KLHDC2: variants seen among roughly 807,000 people sequenced by gnomAD.
KLHDC2 encodes kelch domain containing 2, also known as kelch domain-containing protein 2.
KLHDC2 carries 38 observed loss-of-function variants against 62.3 expected under a neutral mutation model. The observed-to-expected ratio is 0.61, with a 90% CI of 0.47 to 0.80. The LOEUF is 0.80. KLHDC2 is among the 30% of genes least tolerant of loss of function. KLHDC2 has a pLI of 0.00. For synonymous variants in KLHDC2, 159 were observed against 161.0 expected, an observed-to-expected ratio of 0.99 and a Z score of 0.09; for missense variants, 430 against 495.3, an observed-to-expected ratio of 0.87 and a Z score of 1.25.
intron 8 of KLHDC2, 183 bp from the exon 9 acceptor site, chr14:49,780,030 T>G: frequency 8.1e-6 from 5 of 619,052 alleles, no homozygotes; most frequent in Non-Finnish European, 1.4e-5. Context: ...AAGGAAAAGG[T>G]CTGAAGTTGA....
chr14:49,771,959 C>T (rs1028738981), intron 2 of KLHDC2, among the ~76,000 whole-genome samples: 1 of 152,128 alleles, frequency 6.6e-6, no homozygotes, highest in South Asian at 2.1e-4. Context: ...CCACTGCACT[C>T]CAGTCTGGGT....
At chr14:49,774,451 C>T (rs1245428279) in intron 2 of KLHDC2, 110 bp from the exon 3 acceptor site, 5 of 744,622 alleles carry the variant, frequency 6.7e-6, no homozygotes, top group East Asian at 2.5e-5. Flanking sequence ...GTCTACTCTG[C>T]CTTCTCATTT....
chr14:49,782,635 G>T (rs757600204), intron 12 of KLHDC2, 41 bp downstream of exon 12: 1 of 1,530,560 alleles, frequency 6.5e-7, no homozygotes, highest in African/African-American at 1.4e-5. Flanking sequence ...ATTTAAAATT[G>T]TGTTTCCTAA....
chr14:49,780,868 C>A, intron 10 of KLHDC2, 93 bp downstream of exon 10: 1 of 757,202 alleles, frequency 1.3e-6, no homozygotes, highest in South Asian at 1.5e-5. Context: ...TTATAAAAAT[C>A]TCAGCATTCA....
chr14:49,773,962 G>T (rs1199264909), intron 2 of KLHDC2, among the ~76,000 whole-genome samples: 1 of 152,206 alleles, frequency 6.6e-6, no homozygotes, highest in Non-Finnish European at 1.5e-5. Context: ...AGTTTTAGCA[G>T]AAGACCTTGA....
intron 12 of KLHDC2, 96 bp downstream of exon 12, chr14:49,782,690 C>A: frequency 7.5e-7 from 1 of 1,342,182 alleles, no homozygotes; most frequent in Non-Finnish European, 1.0e-6. Context: ...TATTTAAGGG[C>A]AATAAAACTT....
At chr14:49,777,638 C>T (rs149508643) in intron 3 of KLHDC2, among the ~76,000 whole-genome samples, 7 of 152,016 alleles carry the variant, frequency 4.6e-5, no homozygotes, top group African/African-American at 1.4e-4. Context: ...GAGCTAACAG[C>T]GTGCTTAGTG....
At position 49,780,663 on chromosome 14, in the gene KLHDC2, A is replaced by G. The variant is rs774109809; in HGVS notation, c.884-40A>G. 6 of 1,308,268 alleles carry G rather than the reference A, an allele frequency of 4.6e-6. No homozygotes were observed. The South Asian group carries it at 7.1e-5, about 15-fold the overall frequency. 81.0% of individuals were successfully genotyped at this position (1,308,268 alleles called of 1,614,324 possible). ...TGTGCCCTTTAAATGTCAATGTCAT[A>G]TTGACAGACTAACATACTTCATTTC... On this transcript the variant is annotated intron_variant, in intron 9 of 12. Coordinates refer to ENST00000298307, the MANE Select transcript of KLHDC2 (RefSeq NM_014315.3).
At position 49,784,840 on chromosome 14, in the gene KLHDC2, A is replaced by G. The variant is rs1312218774; in HGVS notation, c.*1887A>G. On this transcript the variant is annotated 3_prime_UTR_variant, in exon 13 of 13. Coordinates refer to ENST00000298307, the MANE Select transcript of KLHDC2 (RefSeq NM_014315.3). ...GTTTTACTGCTTCTAATAAGACAGC[A>G]TTTTCTACTAAAATAACAAAAAACT... The G allele has an allele frequency of 1.7e-5, 24 of 1,418,466 alleles. No homozygotes were observed. The highest frequency in any genetic ancestry group is 2.1e-5 in the Non-Finnish European group (21 of 1,013,478). 87.9% of individuals were successfully genotyped at this position (1,418,466 alleles called of 1,614,324 possible).
At position 49,771,591 on chromosome 14, in the gene KLHDC2, T is replaced by TA. The variant is rs745595302; in HGVS notation, c.154-2dup. 13 of 1,338,476 alleles carry TA rather than the reference T, an allele frequency of 9.7e-6. No individual in the cohort carries two copies. Among genetic ancestry groups the TA allele is most frequent in the Admixed American group, 1.7e-5 (1 of 57,332 alleles). 82.9% of individuals were successfully genotyped at this position (1,338,476 alleles called of 1,614,324 possible). ...TTATATTTACAATTTTTTTTATTCT[T>TA]AGAGTAATCAAGTCAGAGGATTATA... On this transcript the variant is annotated splice_polypyrimidine_tract_variant and splice_region_variant and intron_variant, in intron 1 of 12. Coordinates refer to ENST00000298307, the MANE Select transcript of KLHDC2 (RefSeq NM_014315.3).
Position 49,768,398 on chromosome 14 carries a change from C to T in KLHDC2, c.-71C>T, listed in dbSNP as rs1889588071. ...TTGCCTCGCGCCGCTGTGCATTTCT[C>T]TCCTTTTCCTTTGTTTTTTTGGCCC... On this transcript the variant is annotated 5_prime_UTR_variant, in exon 1 of 13. Transcript: ENST00000298307. 2 of 1,529,262 alleles carry T rather than the reference C, an allele frequency of 1.3e-6. No homozygotes were observed. Among genetic ancestry groups the T allele is most frequent in the Admixed American group, 2.0e-5 (1 of 51,184 alleles). 94.7% of individuals were successfully genotyped at this position (1,529,262 alleles called of 1,614,324 possible).
chr14:49,774,514 G>T, intron 2 of KLHDC2, 47 bp from the exon 3 acceptor site: 1 of 1,151,804 alleles, frequency 8.7e-7, no homozygotes, highest in Non-Finnish European at 1.3e-6. Context: ...ATAGACTTTT[G>T]CATTTCTTCC....
At chr14:49,768,804 T>TC in intron 1 of KLHDC2, 183 bp downstream of exon 1, 1 of 562,454 alleles carries the variant, frequency 1.8e-6, no homozygotes, top group Non-Finnish European at 3.0e-6. Flanking sequence ...TTCTCTCGAG[T>TC]ACCCCAACCC....
intron 1 of KLHDC2, 61 bp downstream of exon 1, chr14:49,768,682 G>T: frequency 2.8e-6 from 4 of 1,452,838 alleles, no homozygotes; most frequent in Non-Finnish European, 3.6e-6. Context: ...CTGCGTTCGC[G>T]GCCAGGCGGG....
chr14:49,785,247 G>A lies in KLHDC2; in HGVS notation c.*2294G>A, dbSNP rs941365726. The A allele has an allele frequency of 6.2e-7, 1 of 1,613,650 alleles. No homozygotes were observed. Reference sequence around the variant, plus strand: ...GTAGTTTGTCATGGTGGTGTAAGGGGCACATATTGGAATGGCAAACAGTAG... The same window carrying A: ...GTAGTTTGTCATGGTGGTGTAAGGGACACATATTGGAATGGCAAACAGTAG... On this transcript the variant is annotated 3_prime_UTR_variant, in exon 13 of 13. Transcript: ENST00000298307.
intron 8 of KLHDC2, 126 bp from the exon 9 acceptor site, chr14:49,780,087 C>G: frequency 1.5e-6 from 1 of 669,004 alleles, no homozygotes; most frequent in Non-Finnish European, 2.6e-6. Flanking sequence ...GTAGTTTATA[C>G]CAAGAAGCCT....
Position 49,774,616 on chromosome 14 carries a change from G to C in KLHDC2, c.289G>C (p.Val97Leu). 6.2e-7 allele frequency: 1 copy of C among 1,613,978 alleles called. No homozygotes were observed. Among genetic ancestry groups the C allele is most frequent in the Non-Finnish European group, 8.5e-7 (1 of 1,179,858 alleles). ...TCCTTCTATGTCAGGAAGCTGTGCT[G>C]TGTGTGTAGACAGGGTGCTGTACTT... ...VPPSMSGSCA[V>L]CVDRVLYLFG... Residue 97 changes from valine (V) to leucine (L), a missense_variant, in exon 3 of 13, where the codon GTG (valine) becomes CTG (leucine). By Grantham distance (32) the Val-to-Leu change is conservative. Transcript: ENST00000298307.
At chr14:49,773,413 C>CAAAAA (rs34740472) in intron 2 of KLHDC2, among the ~76,000 whole-genome samples, 1 of 70,128 alleles carries the variant, frequency 1.4e-5, no homozygotes. Flanking sequence ...GACTCCATCT[C>CAAAAA]AAAAAAAAAA....
At chr14:49,782,488 A>C in intron 11 of KLHDC2, 31 bp downstream of exon 11, 3 of 1,597,384 alleles carry the variant, frequency 1.9e-6, no homozygotes, top group Non-Finnish European at 2.6e-6. Context: ...TTATTACTGA[A>C]ACTTACTTGC....
Sources: gnomAD v4.1 joint callset for allele counts (sites outside exome capture counted in the v4.1 genomes callset) on GRCh38, gnomAD v4.1.1 for gene constraint, MANE v1.5 for transcripts, NCBI Gene and HGNC (gene_info 2026-07-23, HGNC 2026-07-21) for gene names.